The following COG5 variants were observed in gnomAD, a reference collection of about 807,000 sequenced individuals.
COG5 encodes the protein component of oligomeric golgi complex 5.
Under a neutral mutation model 110.4 loss-of-function variants are expected in COG5, and 86 were observed. That is an observed-to-expected ratio of 0.78 (90% CI 0.65 to 0.93). The LOEUF is 0.93. COG5 is among the 40% of genes least tolerant of loss of function. The probability of loss-of-function intolerance (pLI) is 0.00; values close to 1 mark genes in which losing one functional copy is unlikely to be tolerated. For missense variants in COG5, 1,077 were observed against 987.0 expected (o/e 1.09, Z -1.22); for synonymous variants, 360 against 334.6 (o/e 1.08, Z -0.83).
chr7:107,424,520 T>G (rs74529608), intron 6 of COG5, among the ~76,000 whole-genome samples: 2 of 151,190 alleles, frequency 1.3e-5, no homozygotes, highest in Non-Finnish European at 1.5e-5. Context: ...TTTTTTTTTT[T>G]GAAAAAAAGA....
At chr7:107,375,007 C>G (rs538141717) in intron 7 of COG5, among the ~76,000 whole-genome samples, 5 of 152,078 alleles carry the variant, frequency 3.3e-5, no homozygotes, top group African/African-American at 9.6e-5. Context: ...TTATCAGCAC[C>G]TTTGAATCTT....
intron 6 of COG5, among the ~76,000 whole-genome samples, chr7:107,459,354 C>G (rs1795851955): frequency 6.6e-6 from 1 of 151,714 alleles, no homozygotes; most frequent in African/African-American, 2.4e-5. Flanking sequence ...TATTTCATAG[C>G]AATCCTAAAT....
At chr7:107,558,236 C>A in intron 1 of COG5, 121 bp from the exon 2 acceptor site, 1 of 917,126 alleles carries the variant, frequency 1.1e-6, no homozygotes, top group South Asian at 1.4e-5. Flanking sequence ...AACCACTCCA[C>A]TATACTGCTT....
chr7:107,503,950 G>C (rs1294848662), intron 6 of COG5, among the ~76,000 whole-genome samples: 1 of 99,354 alleles, frequency 1.0e-5, no homozygotes, highest in Non-Finnish European at 1.9e-5. Context: ...GTGATAGTTT[G>C]ACTTTCTTTT....
In COG5 at chr7:107,530,708, T is replaced by C. The variant is rs144922123; in HGVS notation, c.418-3351A>G. ...CAGATTATGTTGAATCTTCTGGGAA[T>C]ACCATTTAATAAAATCCTTAGTTAA... On this transcript the variant is annotated intron_variant, in intron 5 of 21. Transcript: ENST00000297135. Among the ~76,000 whole-genome samples, 169 of 151,418 alleles carry C rather than the reference T, an allele frequency of 1.1e-3. 1 individual carries two copies. The highest frequency in any genetic ancestry group is 3.9e-3 in the African/African-American group (161 of 41,280).
At chr7:107,252,080 GCA>G (rs1261410160) in intron 16 of COG5, among the ~76,000 whole-genome samples, 1 of 152,056 alleles carries the variant, frequency 6.6e-6, no homozygotes, top group East Asian at 1.9e-4. Flanking sequence ...AGTGAGCTCA[GCA>G]CAGTGGTTTA....
rs71134260 is a variant in COG5 at position 107,311,370 on chromosome 7, A to ATTTTTTTTTTT, written c.1109-13035_1109-13025dup. 4.6e-4 allele frequency among the ~76,000 whole-genome samples: 27 copies of ATTTTTTTTTTT among 58,950 alleles called. 3 individuals carry two copies. The highest frequency in any genetic ancestry group is 6.7e-4 in the Non-Finnish European group (22 of 32,840). The allele number at this position is 58,950 out of a possible 152,430, so 38.7% of individuals were successfully genotyped here. On this transcript the variant is annotated intron_variant, in intron 11 of 21. Transcript: ENST00000297135. ...TATAAGTGATATCGAGCGTATTTACATTTTTTTTTTTTTTTTTTTTTTTTT... is the reference window on the plus strand; with the variant it reads ...TATAAGTGATATCGAGCGTATTTACATTTTTTTTTTTTTTTTTTTTTTTTTTTTTTTTTTTT...
chr7:107,237,084 T>C (rs1015400623), intron 17 of COG5, among the ~76,000 whole-genome samples: 9 of 152,242 alleles, frequency 5.9e-5, no homozygotes, highest in African/African-American at 2.2e-4. Context: ...GATCCTGAAA[T>C]AGCATTTTAT....
At chr7:107,509,374 G>A (rs1799311187) in intron 6 of COG5, among the ~76,000 whole-genome samples, 1 of 152,144 alleles carries the variant, frequency 6.6e-6, no homozygotes, top group South Asian at 2.1e-4. Context: ...AATGAACAAA[G>A]CCTCCAAGAA....
At chr7:107,499,811 T>C (rs527898343) in intron 6 of COG5, among the ~76,000 whole-genome samples, 2 of 152,248 alleles carry the variant, frequency 1.3e-5, no homozygotes, top group African/African-American at 4.8e-5. Flanking sequence ...AGTTTAGAAG[T>C]AGGGATAGTA....
chr7:107,413,817 G>T (rs1412585686), intron 6 of COG5, among the ~76,000 whole-genome samples: 1 of 152,156 alleles, frequency 6.6e-6, no homozygotes, highest in Non-Finnish European at 1.5e-5. Context: ...CGCAAAGTGT[G>T]TATTACTTTA....
chr7:107,530,398 T>G (rs1056996831), intron 5 of COG5, among the ~76,000 whole-genome samples: 2 of 152,114 alleles, frequency 1.3e-5, no homozygotes, highest in African/African-American at 4.8e-5. Context: ...GGTCGAGAGT[T>G]CGAGACCAGC....
intron 16 of COG5, among the ~76,000 whole-genome samples, chr7:107,252,090 T>G (rs1802556275): frequency 6.6e-6 from 1 of 152,024 alleles, no homozygotes; most frequent in South Asian, 2.1e-4. Context: ...GCACAGTGGT[T>G]TATCCCTGTA....
At chr7:107,493,853 C>G (rs995221756) in intron 6 of COG5, among the ~76,000 whole-genome samples, 1 of 152,126 alleles carries the variant, frequency 6.6e-6, no homozygotes, top group Non-Finnish European at 1.5e-5. Flanking sequence ...AGAACAACTT[C>G]TATTGGGACA....
intron 6 of COG5, among the ~76,000 whole-genome samples, chr7:107,517,303 T>C (rs1004729835): frequency 2.0e-5 from 3 of 149,956 alleles, no homozygotes; most frequent in Admixed American, 6.6e-5. Flanking sequence ...GAAAAAAGAA[T>C]GAAAAAAAAA....
intron 11 of COG5, among the ~76,000 whole-genome samples, chr7:107,318,516 A>C (rs1808964875): frequency 6.6e-6 from 1 of 152,214 alleles, no homozygotes; most frequent in African/African-American, 2.4e-5. Context: ...CTACAGCCAT[A>C]AATAATTTTT....
At chr7:107,519,230 A>T (rs1800155578) in intron 6 of COG5, among the ~76,000 whole-genome samples, 1 of 152,152 alleles carries the variant, frequency 6.6e-6, no homozygotes, top group African/African-American at 2.4e-5. Context: ...TTAACATCAC[A>T]ATTAAAAGAA....
At chr7:107,478,722 C>T (rs1797134732) in intron 6 of COG5, among the ~76,000 whole-genome samples, 1 of 151,870 alleles carries the variant, frequency 6.6e-6, no homozygotes, top group African/African-American at 2.4e-5. Context: ...CTCTGGTGGT[C>T]TTGGGATGTA....
At chr7:107,353,809 C>T (rs981467886) in intron 10 of COG5, among the ~76,000 whole-genome samples, 2 of 151,900 alleles carry the variant, frequency 1.3e-5, no homozygotes, top group African/African-American at 4.8e-5. Flanking sequence ...CCATTATAGC[C>T]ATCAACTGTA....
Sources: gnomAD v4.1 joint callset for allele counts (sites outside exome capture counted in the v4.1 genomes callset) on GRCh38, gnomAD v4.1.1 for gene constraint, MANE v1.5 for transcripts, NCBI Gene and HGNC (gene_info 2026-07-23, HGNC 2026-07-21) for gene names.